The following TUBB6 variants were observed in gnomAD, a reference collection of about 807,000 sequenced individuals.
The protein encoded by TUBB6 is tubulin beta 6 class V.
TUBB6 carries 18 observed loss-of-function variants against 32.3 expected under a neutral mutation model. The observed-to-expected ratio is 0.56, with a 90% CI of 0.39 to 0.83. TUBB6 has a LOEUF of 0.83. Among genes scored for constraint, TUBB6 ranks in the 40% least tolerant of loss-of-function variants. The probability of loss-of-function intolerance (pLI) is 0.00; values close to 1 mark genes in which losing one functional copy is unlikely to be tolerated. For synonymous variants in TUBB6, 280 were observed against 265.8 expected (o/e 1.05, Z -0.52); for missense variants, 480 against 632.0 (o/e 0.76, Z 2.58).
In TUBB6 at chr18:12,326,237, TG is replaced by T. The variant is rs1264418848; in HGVS notation, c.*109del. ...GAATGGTGCACTGGTTTAATTGTGT[TG>T]GTGTCGGCCCCTCACAAATGCAGCC... On this transcript the variant is annotated 3_prime_UTR_variant, in exon 4 of 4. Transcript: ENST00000317702. 2.8e-6 allele frequency: 4 copies of T among 1,438,716 alleles called. No homozygotes were observed. Among genetic ancestry groups the T allele is most frequent in the Non-Finnish European group, 3.7e-6 (4 of 1,089,436 alleles). The allele number at this position is 1,438,716 out of a possible 1,614,324, so 89.1% of individuals were successfully genotyped here.
intron 2 of TUBB6, among the ~76,000 whole-genome samples, chr18:12,309,496 CA>C (rs1248582128): frequency 6.7e-6 from 1 of 148,496 alleles, no homozygotes; most frequent in African/African-American, 2.5e-5. Context: ...TGGTCCCTTG[CA>C]GACCTCTAAA....
chr18:12,320,096 G>GT (rs1163852429), intron 3 of TUBB6, among the ~76,000 whole-genome samples: 4 of 150,192 alleles, frequency 2.7e-5, no homozygotes, highest in African/African-American at 4.9e-5. Context: ...CCAAAAAAAT[G>GT]TTTTTTTAAT....
rs757891920 is a variant in TUBB6, at chr18:12,308,290, G to T, written c.-3G>T. 4 of 1,461,478 alleles carry T rather than the reference G, an allele frequency of 2.7e-6. No individual in the cohort carries two copies. Among genetic ancestry groups the T allele is most frequent in the East Asian group, 3.0e-5 (1 of 33,134 alleles). 90.5% of individuals were successfully genotyped at this position (1,461,478 alleles called of 1,614,324 possible). On this transcript the variant is annotated 5_prime_UTR_variant, in exon 1 of 4. Coordinates refer to ENST00000317702, the MANE Select transcript of TUBB6 (RefSeq NM_032525.3). ...CAGTTCCTAGCGCAGAGCCGCGCCC[G>T]CCATGAGGGAGATCGTGCACATCCA...
In TUBB6 at chr18:12,325,986, G is replaced by C; in HGVS notation, c.1197G>C (p.Thr399=). ...GCAAGGCCTTCCTGCACTGGTTCAC[G>C]GGTGAGGGCATGGATGAAATGGAGT... is the stretch of plus-strand genomic sequence containing the variant. ...FRRKAFLHWF[T]GEGMDEMEFT... The change falls in exon 4 of 4, where the codon ACG becomes ACC. Residue 399 remains threonine (T), a synonymous_variant. Coordinates refer to ENST00000317702, the MANE Select transcript of TUBB6 (RefSeq NM_032525.3). The C allele has an allele frequency of 1.9e-6, 3 of 1,614,086 alleles. No individual in the cohort carries two copies. The highest frequency in any genetic ancestry group is 2.5e-6 in the Non-Finnish European group (3 of 1,180,038).
chr18:12,319,527 T>C (rs1337997960), intron 3 of TUBB6, among the ~76,000 whole-genome samples: 8 of 152,172 alleles, frequency 5.3e-5, no homozygotes, highest in African/African-American at 1.7e-4. Context: ...GATCCTGCTA[T>C]ACACACCATT....
In TUBB6 at chr18:12,325,117, G is replaced by A. The variant is rs1286706309; in HGVS notation, c.328G>A (p.Ala110Thr). 1.1e-5 allele frequency: 17 copies of A among 1,601,250 alleles called. No homozygotes were observed. The highest frequency in any genetic ancestry group is 8.4e-5 in the Admixed American group (5 of 59,586). Residue 110 changes from alanine (A) to threonine (T), a missense_variant, in exon 4 of 4, where the codon GCG (alanine) becomes ACG (threonine). Coordinates refer to ENST00000317702, the MANE Select transcript of TUBB6 (RefSeq NM_032525.3). ...GGCGAAAGGGCACTACACGGAGGGC[G>A]CGGAGCTGGTGGACGCAGTGCTGGA... ...NWAKGHYTEG[A>T]ELVDAVLDVV...
At chr18:12,323,703 G>A (rs556098506) in intron 3 of TUBB6, among the ~76,000 whole-genome samples, 71 of 152,154 alleles carry the variant, frequency 4.7e-4, no homozygotes, top group Non-Finnish European at 9.3e-4. Flanking sequence ...AGCTACTTGG[G>A]AGGCTGAGGC....
intron 3 of TUBB6, among the ~76,000 whole-genome samples, chr18:12,315,065 C>T (rs187545637): frequency 3.3e-4 from 50 of 151,912 alleles, no homozygotes; most frequent in African/African-American, 1.0e-3. Context: ...TAATTATTGT[C>T]AGCACTGAGG....
At chr18:12,327,714 C>G (rs1907383838), downstream of TUBB6, among the ~76,000 whole-genome samples, 1 of 152,168 alleles carries the variant, frequency 6.6e-6, no homozygotes, top group Admixed American at 6.5e-5. Flanking sequence ...GGTTGAGCAG[C>G]CATCCAGGGC....
chr18:12,307,907 G>C (rs1188079041), upstream of TUBB6: 1 of 152,254 alleles, frequency 6.6e-6, no homozygotes, highest in African/African-American at 2.4e-5. Flanking sequence ...CGCGGCGCTG[G>C]GACCCCGCGG....
downstream of TUBB6, chr18:12,328,937 C>T (rs963224091): frequency 3.8e-6 from 2 of 522,488 alleles, no homozygotes; most frequent in Non-Finnish European, 6.8e-6. Context: ...TAAATAGGGA[C>T]CCTATGTGTG....
intron 3 of TUBB6, among the ~76,000 whole-genome samples, chr18:12,313,865 A>G (rs1906523742): frequency 6.6e-6 from 1 of 152,206 alleles, no homozygotes; most frequent in Non-Finnish European, 1.5e-5. Flanking sequence ...ATCCATTTGC[A>G]TGCCCACGGG....
At chr18:12,316,445 C>T (rs551497959) in intron 3 of TUBB6, among the ~76,000 whole-genome samples, 5 of 152,262 alleles carry the variant, frequency 3.3e-5, no homozygotes, top group African/African-American at 4.8e-5. Flanking sequence ...AAAAACTGTC[C>T]CCGAAATTGC....
In TUBB6 at chr18:12,323,815, A is replaced by T. The variant is rs545125352; in HGVS notation, c.278-1252A>T. On this transcript the variant is annotated intron_variant, in intron 3 of 3. Transcript: ENST00000317702. ...CAGAGCAAGACTCCGTCTCAAAAAA[A>T]AAAAGCACCATTATGCAGAAAACAG... 5.3e-5 allele frequency among the ~76,000 whole-genome samples: 8 copies of T among 152,248 alleles called. No individual in the cohort carries two copies. In the South Asian group the frequency reaches 1.7e-3, roughly 32 times the overall value.
intron 3 of TUBB6, among the ~76,000 whole-genome samples, chr18:12,312,303 G>A (rs1364343743): frequency 6.7e-6 from 1 of 149,908 alleles, no homozygotes; most frequent in Non-Finnish European, 1.5e-5. Flanking sequence ...AAATGTAGTT[G>A]TGTTTTTTAA....
At chr18:12,327,506 G>T (rs1329542951), downstream of TUBB6, among the ~76,000 whole-genome samples, 1 of 152,232 alleles carries the variant, frequency 6.6e-6, no homozygotes, top group Non-Finnish European at 1.5e-5. Flanking sequence ...AGCATGGCTT[G>T]AGGTGATCAC....
chr18:12,317,339 G>A (rs1906730209), intron 3 of TUBB6, among the ~76,000 whole-genome samples: 1 of 152,030 alleles, frequency 6.6e-6, no homozygotes, highest in Admixed American at 6.6e-5. Flanking sequence ...GTGTGCACCT[G>A]GGGTCCCAGC....
rs757199914 is a variant in TUBB6, at chr18:12,326,154, A to G, written c.*24A>G. 3 of 1,592,754 alleles carry G rather than the reference A, an allele frequency of 1.9e-6. No homozygotes were observed. Among genetic ancestry groups the G allele is most frequent in the Non-Finnish European group, 1.7e-6 (2 of 1,168,710 alleles). ...AGTCGGAATAGAGCCGCCCCAACTC[A>G]GATCCTACAACACGCAAGTTCCTTC... On this transcript the variant is annotated 3_prime_UTR_variant, in exon 4 of 4. Transcript: ENST00000317702.
chr18:12,321,036 T>C (rs936945120), intron 3 of TUBB6, among the ~76,000 whole-genome samples: 6 of 152,244 alleles, frequency 3.9e-5, no homozygotes, highest in African/African-American at 1.4e-4. Context: ...CTTGTTTTAA[T>C]TTGCGTTTCC....
Sources: gnomAD v4.1 joint callset for allele counts (sites outside exome capture counted in the v4.1 genomes callset) on GRCh38, gnomAD v4.1.1 for gene constraint, MANE v1.5 for transcripts, NCBI Gene and HGNC (gene_info 2026-07-23, HGNC 2026-07-21) for gene names.